AP3B1: variants seen among roughly 807,000 people sequenced by gnomAD.
AP3B1 encodes adaptor related protein complex 3 subunit beta 1, also known as AP-3 complex subunit beta-1.
In AP3B1, 61 loss-of-function variants were observed where a neutral mutation model predicts 132.5. That is an observed-to-expected ratio of 0.46 (90% CI 0.37 to 0.57). AP3B1 has a LOEUF of 0.57. AP3B1 is among the 20% of genes least tolerant of loss of function. The pLI, the probability that AP3B1 is intolerant of heterozygous loss-of-function variation, is 0.00. For synonymous variants in AP3B1, 388 were observed against 438.3 expected (o/e 0.89, Z 1.43); for missense variants, 1,120 against 1,289.4 (o/e 0.87, Z 2.01).
intron 12 of AP3B1, among the ~76,000 whole-genome samples, chr5:78,165,250 A>G (rs1207330986): frequency 1.3e-5 from 2 of 152,170 alleles, no homozygotes; most frequent in Admixed American, 6.5e-5. Flanking sequence ...AGGTCAATAA[A>G]ATGGGAACAA....
intron 22 of AP3B1, among the ~76,000 whole-genome samples, chr5:78,078,556 C>T (rs1393709301): frequency 6.6e-6 from 1 of 152,182 alleles, no homozygotes; most frequent in Non-Finnish European, 1.5e-5. Flanking sequence ...TTTCATCTGG[C>T]CATTCCCTGG....
At chr5:78,144,045 A>G (rs1753275429) in intron 14 of AP3B1, among the ~76,000 whole-genome samples, 1 of 152,012 alleles carries the variant, frequency 6.6e-6, no homozygotes, top group African/African-American at 2.4e-5. Flanking sequence ...TTTGTTCCCC[A>G]TGGTCTTTTT....
At chr5:78,047,694 C>T (rs1342038447) in intron 22 of AP3B1, among the ~76,000 whole-genome samples, 5 of 152,332 alleles carry the variant, frequency 3.3e-5, no homozygotes, top group East Asian at 3.9e-4. Context: ...TAAAGCAACA[C>T]AATGCATGTG....
chr5:78,120,215 C>T (rs1160839539), intron 17 of AP3B1, among the ~76,000 whole-genome samples: 2 of 152,178 alleles, frequency 1.3e-5, no homozygotes, highest in African/African-American at 4.8e-5. Flanking sequence ...AAAGAACAAC[C>T]AGTACCAGCC....
intron 1 of AP3B1, among the ~76,000 whole-genome samples, chr5:78,277,128 T>C (rs1488839632): frequency 2.0e-5 from 3 of 152,232 alleles, no homozygotes; most frequent in Non-Finnish European, 4.4e-5. Context: ...TATCTTATTT[T>C]AGTATCACAA....
intron 26 of AP3B1, among the ~76,000 whole-genome samples, chr5:78,009,792 G>A (rs775164556): frequency 6.6e-5 from 9 of 135,616 alleles, no homozygotes; most frequent in Non-Finnish European, 1.4e-4. Flanking sequence ...GGGGGAGGGG[G>A]AGAGGGGAAG....
chr5:78,141,154 T>C lies in AP3B1; in HGVS notation c.1639A>G (p.Asn547Asp). The change falls in exon 15 of 27, where the codon AAC becomes GAC. Residue 547 changes from asparagine to aspartate, a missense_variant. Asn to Asp is a conservative substitution (Grantham distance 23). Coordinates refer to ENST00000255194, the MANE Select transcript of AP3B1 (RefSeq NM_003664.5). ...CATTTGCCTCTCACCTGTTTGGAGT[T>C]GGTTAAATACAATTTTGCTCCCAGA... Reference protein sequence around the residue: ...LNLGAKLYLTNSKQTKLLTQY... With the variant: ...LNLGAKLYLTDSKQTKLLTQY... The C allele has an allele frequency of 1.2e-6, 2 of 1,613,640 alleles. No individual in the cohort carries two copies. The highest frequency in any genetic ancestry group is 1.7e-6 in the Non-Finnish European group (2 of 1,179,624).
intron 1 of AP3B1, among the ~76,000 whole-genome samples, chr5:78,269,298 C>A (rs1023215488): frequency 5.9e-5 from 9 of 152,064 alleles, no homozygotes; most frequent in African/African-American, 2.2e-4. Flanking sequence ...TATTAGGATA[C>A]CAACTTTATT....
intron 24 of AP3B1, among the ~76,000 whole-genome samples, chr5:78,021,261 G>T (rs766273428): frequency 7.9e-5 from 12 of 151,952 alleles, no homozygotes; most frequent in Non-Finnish European, 1.5e-4. Flanking sequence ...TGTTTAGATA[G>T]GTGCTAATAA....
chr5:78,166,118 CACA>C (rs1561451796), intron 11 of AP3B1, among the ~76,000 whole-genome samples: 22 of 260 alleles, frequency 0.085, no homozygotes, highest in South Asian at 0.5. Flanking sequence ...GAAACTCTGT[CACA>C]CACACACACA....
intron 7 of AP3B1, among the ~76,000 whole-genome samples, chr5:78,210,850 G>A (rs184513096): frequency 4.9e-4 from 74 of 151,722 alleles, no homozygotes; most frequent in African/African-American, 1.7e-3. Flanking sequence ...TTTTTAAATC[G>A]ATTAATTTTA....
In AP3B1 at chr5:78,128,052, C is replaced by A; in HGVS notation, c.1946G>T (p.Arg649Leu). The A allele has an allele frequency of 6.2e-7, 1 of 1,613,042 alleles. No individual in the cohort carries two copies. The highest frequency in any genetic ancestry group is 1.1e-5 in the South Asian group (1 of 91,062). Residue 649 changes from arginine (R) to leucine (L), a missense_variant, in exon 17 of 27, where the codon CGA becomes CTA. Physicochemically the swap from Arg to Leu is moderately radical, Grantham distance 102 (BLOSUM62 -2). Coordinates refer to ENST00000255194, the MANE Select transcript of AP3B1 (RefSeq NM_003664.5). ...WPEVAPDPSV[R>L]NVEVIELAKE... ...TACCAACTCTATTACTTCTACATTT[C>A]GAACTGATGGGTCGGGCGCCACCTC... is the stretch of plus-strand genomic sequence containing the variant.
intron 21 of AP3B1, among the ~76,000 whole-genome samples, chr5:78,091,444 G>A (rs1750511342): frequency 1.3e-5 from 2 of 152,124 alleles, no homozygotes; most frequent in African/African-American, 4.8e-5. Flanking sequence ...CGCTCACTTA[G>A]TACGGCTGAA....
At chr5:78,170,679 G>A (rs905343009) in intron 11 of AP3B1, among the ~76,000 whole-genome samples, 12 of 152,268 alleles carry the variant, frequency 7.9e-5, no homozygotes, top group African/African-American at 2.9e-4. Flanking sequence ...CCATTCTGTA[G>A]GTGGCCTGTT....
intron 6 of AP3B1, among the ~76,000 whole-genome samples, chr5:78,221,180 T>C (rs1373754234): frequency 2.6e-5 from 4 of 152,190 alleles, no homozygotes; most frequent in East Asian, 1.9e-4. Flanking sequence ...TAAGAAAACA[T>C]ACTTTGTAAT....
chr5:78,051,341 T>C (rs897903811), intron 22 of AP3B1, among the ~76,000 whole-genome samples: 15 of 152,170 alleles, frequency 9.9e-5, no homozygotes, highest in African/African-American at 3.6e-4. Flanking sequence ...TAGCTGGTAA[T>C]GGACCATATT....
chr5:78,098,148 GGCCGCAGGGTCCTCT>G (rs1361919674), intron 21 of AP3B1, among the ~76,000 whole-genome samples: 1 of 151,026 alleles, frequency 6.6e-6, no homozygotes, highest in South Asian at 2.1e-4. Context: ...CACTGCGGAA[GGCCGCAGGGTCCTCT>G]GCCTAGGAAA....
intron 7 of AP3B1, among the ~76,000 whole-genome samples, chr5:78,202,174 C>T (rs112959652): frequency 0.039 from 5,903 of 152,236 alleles, 185 homozygotes; most frequent in East Asian, 0.13. Context: ...CCATGTGAGA[C>T]GTGCCTTTCA....
At chr5:78,164,177 CT>C (rs1192450318) in intron 12 of AP3B1, among the ~76,000 whole-genome samples, 2 of 151,900 alleles carry the variant, frequency 1.3e-5, no homozygotes, top group Non-Finnish European at 2.9e-5. Context: ...ACTTATGAGT[CT>C]TTAGAAACAT....
Sources: gnomAD v4.1 joint callset for allele counts (sites outside exome capture counted in the v4.1 genomes callset) on GRCh38, gnomAD v4.1.1 for gene constraint, MANE v1.5 for transcripts, NCBI Gene and HGNC (gene_info 2026-07-23, HGNC 2026-07-21) for gene names.